SCIN: variants seen among roughly 807,000 people sequenced by gnomAD.
SCIN encodes scinderin.
In SCIN, 91 loss-of-function variants were observed where a neutral mutation model predicts 91.8. That is an observed-to-expected ratio of 0.99 (90% confidence interval 0.84 to 1.18). The LOEUF is 1.18. SCIN is among the 50% of genes most tolerant of loss of function. The pLI is 0.00. For synonymous variants in SCIN, 367 were observed against 312.6 expected, an observed-to-expected ratio of 1.17 and a Z score of -1.84; for missense variants, 1,087 against 863.9, an observed-to-expected ratio of 1.26 and a Z score of -3.24.
intron 4 of SCIN, among the ~76,000 whole-genome samples, chr7:12,621,506 T>C (rs1783406366): frequency 6.6e-6 from 1 of 152,150 alleles, no homozygotes; most frequent in Non-Finnish European, 1.5e-5. Context: ...AAACTGTTTA[T>C]TCCTAACTAT....
At chr7:12,652,347 T>C (rs1784097047) in intron 15 of SCIN, among the ~76,000 whole-genome samples, 1 of 150,130 alleles carries the variant, frequency 6.7e-6, no homozygotes, top group Non-Finnish European at 1.5e-5. Context: ...ATTCACATGT[T>C]GCCTTTCATG....
At chr7:12,626,241 C>G in intron 7 of SCIN, 1 of 313,116 alleles carries the variant, frequency 3.2e-6, no homozygotes, top group Non-Finnish European at 5.8e-6. Flanking sequence ...CTTTCCTTTC[C>G]GAATCTCTCA....
At chr7:12,652,041 G>C in intron 15 of SCIN, 140 bp downstream of exon 15, 1 of 584,846 alleles carries the variant, frequency 1.7e-6, no homozygotes. Context: ...CAAAACTAAA[G>C]AGTAATGGGA....
At chr7:12,632,163 T>C (rs1783659231) in intron 9 of SCIN, among the ~76,000 whole-genome samples, 1 of 150,256 alleles carries the variant, frequency 6.7e-6, no homozygotes, top group African/African-American at 2.4e-5. Context: ...AAAGTCTCAC[T>C]CTGTTGCCCA....
At chr7:12,587,084 C>T (rs952965662) in intron 3 of SCIN, among the ~76,000 whole-genome samples, 13 of 152,104 alleles carry the variant, frequency 8.5e-5, no homozygotes, top group African/African-American at 2.7e-4. Context: ...AAAAGGATTT[C>T]GAGTGTTCCC....
At chr7:12,603,994 T>C (rs1216502837) in intron 3 of SCIN, among the ~76,000 whole-genome samples, 1 of 152,108 alleles carries the variant, frequency 6.6e-6, no homozygotes, top group African/African-American at 2.4e-5. Flanking sequence ...TTTATGGCTC[T>C]TGATAAGAAT....
intron 3 of SCIN, among the ~76,000 whole-genome samples, chr7:12,596,646 T>C (rs1202833460): frequency 6.6e-6 from 1 of 151,840 alleles, no homozygotes; most frequent in Non-Finnish European, 1.5e-5. Flanking sequence ...CCAACTTAGG[T>C]GGCTGGCAGA....
In SCIN at chr7:12,625,120, C is replaced by G. The variant is rs183028165; in HGVS notation, c.870C>G (p.Ala290=). 4.5e-5 allele frequency: 73 copies of G among 1,607,852 alleles called. No individual in the cohort carries two copies. In the East Asian group the frequency reaches 9.9e-4, roughly 22 times the overall value. Residue 290 remains alanine, a synonymous_variant, in exon 6 of 16, where the codon GCC becomes GCG. Coordinates refer to ENST00000297029, the MANE Select transcript of SCIN (RefSeq NM_001112706.3). ...GCTTTATTTTGGACCACGGGGCTGC[C>G]AAACAAATTTTCGTATGGAAAGGTA... ...EECFILDHGA[A]KQIFVWKGKD...
At chr7:12,637,560 G>T (rs1195219071) in intron 10 of SCIN, among the ~76,000 whole-genome samples, 1 of 151,782 alleles carries the variant, frequency 6.6e-6, no homozygotes, top group Non-Finnish European at 1.5e-5. Flanking sequence ...AGGAAGAAAT[G>T]AGACAAGTAA....
chr7:12,623,999 C>G (rs552101176), intron 5 of SCIN, among the ~76,000 whole-genome samples: 2 of 152,264 alleles, frequency 1.3e-5, no homozygotes, highest in South Asian at 4.1e-4. Flanking sequence ...ACATCATCAA[C>G]CAAAACTGTT....
intron 3 of SCIN, among the ~76,000 whole-genome samples, chr7:12,592,986 C>T (rs2115233384): frequency 6.6e-6 from 1 of 152,348 alleles, no homozygotes; most frequent in East Asian, 1.9e-4. Flanking sequence ...GGCCAAGGAG[C>T]TATGGGAGTG....
chr7:12,638,927 C>T (rs1415518217), intron 10 of SCIN, among the ~76,000 whole-genome samples: 1 of 152,110 alleles, frequency 6.6e-6, no homozygotes, highest in Non-Finnish European at 1.5e-5. Context: ...CATGCATTGT[C>T]TTACATATTT....
rs374090988 is a variant in SCIN at position 12,580,327 on chromosome 7, TAAG to T, written c.355-728_355-726del. Among the ~76,000 whole-genome samples the T allele has an allele frequency of 1.9e-4, 29 of 152,286 alleles. No homozygotes were observed. In the East Asian group the frequency reaches 5.0e-3, roughly 26 times the overall value. On this transcript the variant is annotated intron_variant, in intron 2 of 15. Coordinates refer to ENST00000297029, the MANE Select transcript of SCIN (RefSeq NM_001112706.3). ...AGGTAAAAGATCATTGCAAATAATA[TAAG>T]AAGATGTAGTTGATACAGTTAATAT...
intron 8 of SCIN, among the ~76,000 whole-genome samples, chr7:12,627,427 G>A (rs568252068): frequency 1.3e-5 from 2 of 152,146 alleles, no homozygotes; most frequent in South Asian, 2.1e-4. Flanking sequence ...AACCTCTAGC[G>A]ATACTTCTCA....
Position 12,640,421 on chromosome 7 carries a change from G to A in SCIN, c.1485G>A (p.Lys495=). ...AAGACAAACCGCTCATTATTTACAA[G>A]AATGGAACATCAAAGAAAGGAGGTC... The part of the protein sequence containing the change: ...LFKDKPLIIY[K]NGTSKKGGQA... Residue 495 remains lysine (K), a synonymous_variant, in exon 11 of 16, where the codon AAG becomes AAA. Coordinates refer to ENST00000297029, the MANE Select transcript of SCIN (RefSeq NM_001112706.3). 6.2e-7 allele frequency: 1 copy of A among 1,613,436 alleles called. No individual in the cohort carries two copies. The highest frequency in any genetic ancestry group is 8.5e-7 in the Non-Finnish European group (1 of 1,179,702).
chr7:12,573,816 T>C (rs1782316352), intron 1 of SCIN, among the ~76,000 whole-genome samples: 1 of 152,196 alleles, frequency 6.6e-6, no homozygotes, highest in Non-Finnish European at 1.5e-5. Flanking sequence ...ATTTATGTTA[T>C]AAGTGGGCTA....
intron 2 of SCIN, among the ~76,000 whole-genome samples, chr7:12,580,579 C>G (rs537735556): frequency 6.6e-6 from 1 of 152,272 alleles, no homozygotes; most frequent in Admixed American, 6.5e-5. Flanking sequence ...GGCCAGCACT[C>G]AACAACCATC....
intron 3 of SCIN, among the ~76,000 whole-genome samples, chr7:12,592,297 G>A (rs1435914118): frequency 6.6e-6 from 1 of 152,110 alleles, no homozygotes; most frequent in Non-Finnish European, 1.5e-5. Context: ...TGATGGCTCG[G>A]AGGTTGTGAA....
chr7:12,651,943 C>CCG lies in SCIN; in HGVS notation c.2020+42_2020+43insCG. The CCG allele has an allele frequency of 7.3e-7, 1 of 1,360,982 alleles. No homozygotes were observed. Among genetic ancestry groups the CCG allele is most frequent in the Non-Finnish European group, 1.0e-6 (1 of 968,346 alleles). The allele number at this position is 1,360,982 out of a possible 1,614,324, so 84.3% of individuals were successfully genotyped here. On this transcript the variant is annotated intron_variant, in intron 15 of 15. Transcript: ENST00000297029. The surrounding 1 kb of genome is among the most constrained non-coding windows in gnomAD (Gnocchi z 5.9). ...GACCATTATAGCAGTAACCGGGCAC[C>CCG]ATTATGACCGAGTGTCTGGCTTGCT...
Sources: gnomAD v4.1 joint callset for allele counts (sites outside exome capture counted in the v4.1 genomes callset) on GRCh38, gnomAD v4.1.1 for gene constraint, Gnocchi (gnomAD v3.1) non-coding constraint, MANE v1.5 for transcripts, NCBI Gene and HGNC (gene_info 2026-07-23, HGNC 2026-07-21) for gene names.